The following EDRF1 variants were observed in gnomAD, a reference collection of about 807,000 sequenced individuals.
EDRF1 encodes the protein erythroid differentiation regulatory factor 1.
Under a neutral mutation model 148.7 loss-of-function variants are expected in EDRF1, and 69 were observed. The ratio of observed to expected loss-of-function variants is 0.46; its 90% CI spans 0.38 to 0.57. The LOEUF (loss-of-function observed/expected upper bound fraction) is 0.57, where lower values mean the gene tolerates loss of function less well. Among genes scored for constraint, EDRF1 ranks in the 20% least tolerant of loss-of-function variants. The pLI, the probability that EDRF1 is intolerant of heterozygous loss-of-function variation, is 0.00. For missense variants in EDRF1, 1,118 were observed against 1,478.7 expected (o/e 0.76, Z 4.00); for synonymous variants, 515 against 532.8 (o/e 0.97, Z 0.46).
intron 18 of EDRF1, chr10:125,745,349 C>A: frequency 3.8e-6 from 1 of 264,674 alleles, no homozygotes; most frequent in Non-Finnish European, 7.3e-6. Context: ...CACACAGGGC[C>A]TTCTCTCTGT....
chr10:125,743,022 A>G (rs1311102632), intron 17 of EDRF1, 36 bp from the exon 18 acceptor site: 4 of 1,608,520 alleles, frequency 2.5e-6, no homozygotes, highest in Non-Finnish European at 3.4e-6. Context: ...AAGGAATCAC[A>G]TGATTCGCAT....
intron 21 of EDRF1, 30 bp downstream of exon 21, chr10:125,748,042 C>T (rs1467657900): frequency 6.2e-7 from 1 of 1,613,146 alleles, no homozygotes; most frequent in Admixed American, 1.7e-5. Context: ...AGTACAGTGC[C>T]ACATCAGTTT....
chr10:125,737,802 C>A, intron 13 of EDRF1, 116 bp from the exon 14 acceptor site: 3 of 1,019,346 alleles, frequency 2.9e-6, no homozygotes, highest in Non-Finnish European at 3.1e-6. Flanking sequence ...GTTGTAGGAT[C>A]TTTTTAAGCA....
chr10:125,719,965 C>G, intron 1 of EDRF1, 50 bp downstream of exon 1: 1 of 1,541,350 alleles, frequency 6.5e-7, no homozygotes, highest in African/African-American at 1.4e-5. Flanking sequence ...AGCGGAGGAC[C>G]CGCTCCACCG....
At chr10:125,753,553 C>T in intron 23 of EDRF1, 141 bp from the exon 24 acceptor site, 3 of 882,732 alleles carry the variant, frequency 3.4e-6, no homozygotes, top group South Asian at 2.8e-5. Flanking sequence ...TCAAAATGAT[C>T]ATAGGTGTGC....
chr10:125,734,301 C>G (rs1848627001), intron 12 of EDRF1, 118 bp downstream of exon 12: 3 of 780,592 alleles, frequency 3.8e-6, no homozygotes, highest in Admixed American at 4.0e-5. Context: ...AGTGTGGTAG[C>G]CATTAGCACA....
intron 6 of EDRF1, among the ~76,000 whole-genome samples, chr10:125,727,087 G>A (rs1442225722): frequency 6.6e-6 from 1 of 151,976 alleles, no homozygotes; most frequent in Non-Finnish European, 1.5e-5. Context: ...GTAAACTAAC[G>A]CTCATCAAAA....
chr10:125,761,603 A>T (rs958551262), intron 24 of EDRF1, among the ~76,000 whole-genome samples: 1 of 152,216 alleles, frequency 6.6e-6, no homozygotes, highest in Non-Finnish European at 1.5e-5. Flanking sequence ...TCCCTTTAGA[A>T]AAAGCCTGTG....
rs1849318542 is a variant in EDRF1, at chr10:125,745,732, G to A, written c.2616G>A (p.Glu872=). ...TGAGCAAATCTGTGTCTGCTGCCGAGCAACAGTTGTGGAAAAAAAGCTTTT... is the reference window on the plus strand; with the variant it reads ...TGAGCAAATCTGTGTCTGCTGCCGAACAACAGTTGTGGAAAAAAAGCTTTT... ...RLVSKSVSAA[E]QQLWKKSFSC... is the part of the protein sequence containing the mutation. The change falls in exon 19 of 25, where the codon GAG becomes GAA. Residue 872 remains glutamate (E), a synonymous_variant. Coordinates refer to ENST00000356792, the MANE Select transcript of EDRF1 (RefSeq NM_001202438.2). 1 of 1,614,232 alleles carries A rather than the reference G, an allele frequency of 6.2e-7. No homozygotes were observed. Among genetic ancestry groups the A allele is most frequent in the East Asian group, 2.2e-5 (1 of 44,886 alleles).
chr10:125,755,556 G>A (rs556966447), intron 24 of EDRF1, among the ~76,000 whole-genome samples: 2 of 152,284 alleles, frequency 1.3e-5, no homozygotes, highest in South Asian at 2.1e-4. Context: ...GAAAGAGATT[G>A]TATAGAATTG....
chr10:125,742,942 T>G (rs2133726092), intron 17 of EDRF1, 116 bp from the exon 18 acceptor site: 1 of 1,478,358 alleles, frequency 6.8e-7, no homozygotes, highest in Admixed American at 2.1e-5. Context: ...AATCTTGGTA[T>G]ACTTACACTA....
chr10:125,719,977 G>T, intron 1 of EDRF1, 62 bp downstream of exon 1: 2 of 1,477,196 alleles, frequency 1.4e-6, no homozygotes, highest in Non-Finnish European at 1.9e-6. Context: ...GCTCCACCGG[G>T]GAGGGATGCC....
At chr10:125,762,393 G>T (rs187422641) in intron 24 of EDRF1, among the ~76,000 whole-genome samples, 5 of 151,918 alleles carry the variant, frequency 3.3e-5, no homozygotes, top group Admixed American at 6.6e-5. Flanking sequence ...TGGGATTATT[G>T]TAAGGCTCAG....
rs776697276 is a variant in EDRF1, at chr10:125,725,700, C to G, written c.654C>G (p.Ala218=). ...FLYYSINGDG[A]AQPVSSTAEQ... The stretch of plus-strand genomic sequence containing the variant: ...TGGCCAGTATCAATGGTGATGGAGC[C>G]GCTCAGCCTGTCTCATCCACCGCAG... The change falls in exon 6 of 25, where the codon GCC becomes GCG. Residue 218 remains alanine (A), a synonymous_variant. Coordinates refer to ENST00000356792, the MANE Select transcript of EDRF1 (RefSeq NM_001202438.2). 1.2e-6 allele frequency: 2 copies of G among 1,613,930 alleles called. No individual in the cohort carries two copies. Among genetic ancestry groups the G allele is most frequent in the South Asian group, 1.1e-5 (1 of 91,074 alleles).
intron 12 of EDRF1, among the ~76,000 whole-genome samples, chr10:125,734,739 T>C (rs555790892): frequency 3.9e-5 from 6 of 152,284 alleles, no homozygotes; most frequent in African/African-American, 1.4e-4. Context: ...AAAGCATCTC[T>C]TAAAATATTC....
intron 20 of EDRF1, 69 bp from the exon 21 acceptor site, chr10:125,747,794 A>C (rs1290139845): frequency 6.2e-7 from 1 of 1,610,330 alleles, no homozygotes; most frequent in African/African-American, 1.3e-5. Flanking sequence ...AGCAGTATTT[A>C]AACGTTTTAA....
intron 18 of EDRF1, 120 bp from the exon 19 acceptor site, chr10:125,745,587 G>C: frequency 1.0e-6 from 1 of 986,732 alleles, no homozygotes; most frequent in Admixed American, 1.9e-5. Flanking sequence ...TTGACTGCAG[G>C]TGACTGGCTC....
At chr10:125,730,863 C>G (rs529704602) in intron 9 of EDRF1, among the ~76,000 whole-genome samples, 42 of 152,242 alleles carry the variant, frequency 2.8e-4, no homozygotes, top group Non-Finnish European at 5.3e-4. Context: ...TTGGGGGAAG[C>G]TAGGCGTGTT....
chr10:125,749,102 C>T (rs1849517839), intron 21 of EDRF1: 2 of 370,162 alleles, frequency 5.4e-6, no homozygotes, highest in Non-Finnish European at 1.0e-5. Context: ...AAAAATTAGC[C>T]AAGCAGTAGT....
Sources: gnomAD v4.1 joint callset for allele counts (sites outside exome capture counted in the v4.1 genomes callset) on GRCh38, gnomAD v4.1.1 for gene constraint, MANE v1.5 for transcripts, NCBI Gene and HGNC (gene_info 2026-07-23, HGNC 2026-07-21) for gene names.